The following GALNT8 variants were observed in gnomAD, a reference collection of about 807,000 sequenced individuals.
The protein encoded by GALNT8 is polypeptide N-acetylgalactosaminyltransferase 8, also known as probable polypeptide N-acetylgalactosaminyltransferase 8.
In GALNT8, 66 loss-of-function variants were observed where a neutral mutation model predicts 62.7. The ratio of observed to expected loss-of-function variants is 1.05; its 90% CI spans 0.86 to 1.29. The LOEUF is 1.29. Ranked by LOEUF, GALNT8 falls within the 50% of genes most tolerant of loss-of-function variation. The pLI, the probability that GALNT8 is intolerant of heterozygous loss-of-function variation, is 0.00. For synonymous variants in GALNT8, 288 were observed against 294.3 expected (o/e 0.98, Z 0.22); for missense variants, 771 against 791.8 (o/e 0.97, Z 0.32).
chr12:4,749,638 T>C lies in GALNT8; in HGVS notation c.1173+3380T>C, dbSNP rs778497354. The stretch of plus-strand genomic sequence containing the variant: ...TTTCTTTTCTTTTTTTTTTTTAACG[T>C]GTCTTTGTCTTGTTTTGGTAGCAGG... On this transcript the variant is annotated intron_variant, in intron 6 of 10. Coordinates refer to ENST00000252318, the MANE Select transcript of GALNT8 (RefSeq NM_017417.2). The surrounding 1 kb of genome is among the most constrained non-coding windows in gnomAD (Gnocchi z 4.1). 1.3e-5 allele frequency among the ~76,000 whole-genome samples: 2 copies of C among 151,754 alleles called. No homozygotes were observed. The highest frequency in any genetic ancestry group is 2.9e-5 in the Non-Finnish European group (2 of 67,890).
chr12:4,741,579 G>GA (rs34410344), intron 3 of GALNT8, among the ~76,000 whole-genome samples: 19,748 of 145,672 alleles, frequency 0.14, 1,459 homozygotes, highest in Middle Eastern at 0.21. Flanking sequence ...TTTTTCTGTG[G>GA]AAAAAAAAAA....
At chr12:4,757,552 C>A (rs1318443975) in intron 6 of GALNT8, among the ~76,000 whole-genome samples, 1 of 152,158 alleles carries the variant, frequency 6.6e-6, no homozygotes, top group Non-Finnish European at 1.5e-5. Flanking sequence ...TATTTGTATT[C>A]TAGCCAGTAG....
intron 6 of GALNT8, among the ~76,000 whole-genome samples, chr12:4,760,399 A>G (rs1050438967): frequency 6.6e-6 from 1 of 152,208 alleles, no homozygotes; most frequent in Non-Finnish European, 1.5e-5. Flanking sequence ...GGACCCTCCA[A>G]TCTTATGCAG....
chr12:4,768,237 T>A (rs1021383072), intron 10 of GALNT8, among the ~76,000 whole-genome samples: 2 of 152,194 alleles, frequency 1.3e-5, no homozygotes, highest in African/African-American at 4.8e-5. Flanking sequence ...GCCAATTTTC[T>A]TAGATACAAG....
chr12:4,727,606 G>A (rs1014531797), intron 2 of GALNT8, among the ~76,000 whole-genome samples: 1 of 152,078 alleles, frequency 6.6e-6, no homozygotes, highest in African/African-American at 2.4e-5. Flanking sequence ...AATTGAATCA[G>A]GTAATATGGG....
At position 4,763,335 on chromosome 12, in the gene GALNT8, T is replaced by G; in HGVS notation, c.1442T>G (p.Leu481Arg). Residue 481 changes from leucine (L) to arginine (R), a missense_variant, in exon 8 of 11, where the codon CTG (leucine) becomes CGG (arginine). Transcript: ENST00000252318. ...AAATGTAAAACTTTTGACTGGTACC[T>G]GAAAAATGTTTATCCACTCTTGAAG... ...KLKCKTFDWY[L>R]KNVYPLLKPL... 6.2e-7 allele frequency: 1 copy of G among 1,611,752 alleles called. No individual in the cohort carries two copies. Among genetic ancestry groups the G allele is most frequent in the Non-Finnish European group, 8.5e-7 (1 of 1,177,810 alleles).
intron 6 of GALNT8, among the ~76,000 whole-genome samples, chr12:4,753,014 A>G (rs1426877385): frequency 6.6e-6 from 1 of 152,166 alleles, no homozygotes; most frequent in East Asian, 1.9e-4. Flanking sequence ...CTGGCCTGTA[A>G]GGTTTCCATG....
At chr12:4,758,138 C>CT (rs368204161) in intron 6 of GALNT8, among the ~76,000 whole-genome samples, 13 of 151,040 alleles carry the variant, frequency 8.6e-5, no homozygotes, top group South Asian at 6.3e-4. Flanking sequence ...CATCCTTTTC[C>CT]TTTTTTTTTG....
intron 2 of GALNT8, among the ~76,000 whole-genome samples, chr12:4,727,420 A>G (rs1377494142): frequency 1.3e-5 from 2 of 152,154 alleles, no homozygotes; most frequent in Non-Finnish European, 2.9e-5. Context: ...GTTTTTCAGT[A>G]TATTCACAGA....
At chr12:4,756,728 G>A (rs1415512240) in intron 6 of GALNT8, among the ~76,000 whole-genome samples, 4 of 152,156 alleles carry the variant, frequency 2.6e-5, no homozygotes, top group Admixed American at 2.0e-4. Context: ...CCATAGCCAT[G>A]TACTGTACCC....
At chr12:4,721,906 G>A (rs1030369478) in intron 1 of GALNT8, among the ~76,000 whole-genome samples, 11 of 152,172 alleles carry the variant, frequency 7.2e-5, no homozygotes, top group Non-Finnish European at 1.5e-4. Context: ...GTGGCCTTCC[G>A]CAGTGTTTTG....
intron 3 of GALNT8, 76 bp from the exon 4 acceptor site, chr12:4,744,441 A>G: frequency 1.0e-6 from 1 of 995,240 alleles, no homozygotes; most frequent in South Asian, 1.6e-5. Context: ...AGCCACTAAT[A>G]TATGATAGTA....
In GALNT8 at chr12:4,726,747, C is replaced by T; in HGVS notation, c.427C>T (p.Leu143Phe). ...SEAQQKAAQD[L>F]FRKFGYNAYL... ...GGCCCAGCAGAAGGCGGCCCAGGAC[C>T]TCTTCCGGAAGTTTGGTTACAACGC... The change falls in exon 2 of 11, where the codon CTC becomes TTC. Residue 143 changes from leucine to phenylalanine, a missense_variant. Transcript: ENST00000252318. This position sits in a 1 kb window ranked among gnomAD's most constrained non-coding sequence, Gnocchi z 4.1. 1.2e-6 allele frequency: 2 copies of T among 1,614,052 alleles called. No individual in the cohort carries two copies. The highest frequency in any genetic ancestry group is 1.7e-6 in the Non-Finnish European group (2 of 1,180,008).
At position 4,765,370 on chromosome 12, in the gene GALNT8, T is replaced by C; in HGVS notation, c.1594-9T>C. The C allele has an allele frequency of 6.9e-7, 1 of 1,449,094 alleles. No homozygotes were observed. The highest frequency in any genetic ancestry group is 9.0e-7 in the Non-Finnish European group (1 of 1,105,788). The allele number at this position is 1,449,094 out of a possible 1,614,324, so 89.8% of individuals were successfully genotyped here. On this transcript the variant is annotated splice_polypyrimidine_tract_variant and intron_variant, in intron 9 of 10. Transcript: ENST00000252318. ...CCCTCTGCTTTTTTTTTTTTTTTTT[T>C]TTTTTTAGAATGTCTACTATCACCT...
At chr12:4,736,246 C>G (rs1459095120) in intron 2 of GALNT8, among the ~76,000 whole-genome samples, 2 of 152,144 alleles carry the variant, frequency 1.3e-5, no homozygotes, top group Non-Finnish European at 2.9e-5. Flanking sequence ...TAGGGCCAAC[C>G]TCTGAACAAA....
intron 3 of GALNT8, among the ~76,000 whole-genome samples, chr12:4,741,940 A>T (rs1249460998): frequency 6.6e-6 from 1 of 152,248 alleles, no homozygotes; most frequent in Non-Finnish European, 1.5e-5. Flanking sequence ...TACACTGAGC[A>T]TAACTCAAAT....
At chr12:4,767,744 CT>C (rs1236845718) in intron 10 of GALNT8, among the ~76,000 whole-genome samples, 1 of 152,122 alleles carries the variant, frequency 6.6e-6, no homozygotes, top group Non-Finnish European at 1.5e-5. Context: ...TTAATCATAT[CT>C]TTTTTGTTCG....
At chr12:4,745,776 AC>A (rs1565385758) in intron 5 of GALNT8, 150 bp downstream of exon 5, 1 of 648,886 alleles carries the variant, frequency 1.5e-6, no homozygotes, top group Admixed American at 2.4e-5. Context: ...GAGGGAAAAA[AC>A]CCCAATAAGT....
rs201362903 is a variant in GALNT8 at position 4,726,868 on chromosome 12, T to G, written c.509+39T>G. On this transcript the variant is annotated intron_variant, in intron 2 of 10. Transcript: ENST00000252318. This position sits in a 1 kb window ranked among gnomAD's most constrained non-coding sequence, Gnocchi z 4.1. ...GGCTTGGGCTTCTAGGGTCCTCAGT[T>G]TGATTTGAGGATGAGCTTTGGGAGC... 6.5e-7 allele frequency: 1 copy of G among 1,538,446 alleles called. No homozygotes were observed. The highest frequency in any genetic ancestry group is 8.8e-7 in the Non-Finnish European group (1 of 1,131,948).
Sources: gnomAD v4.1 joint callset for allele counts (sites outside exome capture counted in the v4.1 genomes callset) on GRCh38, gnomAD v4.1.1 for gene constraint, Gnocchi (gnomAD v3.1) non-coding constraint, MANE v1.5 for transcripts, NCBI Gene and HGNC (gene_info 2026-07-23, HGNC 2026-07-21) for gene names.